GALNT13: variants seen among roughly 807,000 people sequenced by gnomAD.
GALNT13 encodes the protein polypeptide N-acetylgalactosaminyltransferase 13, also known as UDP-GalNAc:polypeptide N-acetylgalactosaminyltransferase 13.
In GALNT13, 28 loss-of-function variants were observed where a neutral mutation model predicts 64.2. The observed-to-expected ratio is 0.44, with a 90% CI of 0.32 to 0.60. The LOEUF is 0.60. GALNT13 is among the 20% of genes least tolerant of loss of function. The pLI, the probability that GALNT13 is intolerant of heterozygous loss-of-function variation, is 0.05. For missense variants in GALNT13, 577 were observed against 669.8 expected, an observed-to-expected ratio of 0.86 and a Z score of 1.53; for synonymous variants, 214 against 224.6, an observed-to-expected ratio of 0.95 and a Z score of 0.42.
At chr2:153,177,096 A>G in the GALNT13 span, among the ~76,000 whole-genome samples, 1 of 76,834 alleles carries the variant, frequency 1.3e-5, no homozygotes, top group African/African-American at 4.3e-5. Context: ...GGTAAGTACA[A>G]ATAGCATTGA....
At chr2:153,181,922 A>G in the GALNT13 span, among the ~76,000 whole-genome samples, 55 of 148,964 alleles carry the variant, frequency 3.7e-4, no homozygotes, top group African/African-American at 1.3e-3. Flanking sequence ...ATATAAAGCA[A>G]TCAAAACAAT....
the GALNT13 span, among the ~76,000 whole-genome samples, chr2:153,656,345 C>CGT: frequency 6.7e-5 from 7 of 103,930 alleles, no homozygotes; most frequent in South Asian, 8.2e-4. Flanking sequence ...TGTGTGCGCG[C>CGT]GCACATATGT....
intron 8 of GALNT13, among the ~76,000 whole-genome samples, chr2:154,265,507 T>G (rs987125178): frequency 3.3e-5 from 5 of 152,052 alleles, no homozygotes; most frequent in African/African-American, 1.2e-4. Context: ...GAGAACAGCC[T>G]AGCCAACATG....
the GALNT13 span, among the ~76,000 whole-genome samples, chr2:153,856,863 C>T: frequency 6.6e-6 from 1 of 151,932 alleles, no homozygotes; most frequent in Non-Finnish European, 1.5e-5. Context: ...AGAAACAATC[C>T]AAATGATTGT....
chr2:154,033,720 A>T (rs1215143942), intron 3 of GALNT13, among the ~76,000 whole-genome samples: 3 of 152,056 alleles, frequency 2.0e-5, no homozygotes, highest in Admixed American at 6.6e-5. Context: ...CGGTTGGATC[A>T]TGAGGTCAGG....
chr2:153,813,831 G>C, the GALNT13 span, among the ~76,000 whole-genome samples: 1 of 152,168 alleles, frequency 6.6e-6, no homozygotes, highest in Non-Finnish European at 1.5e-5. Context: ...TATAGGTTAG[G>C]AATTTGGGCA....
At chr2:153,303,693 A>G in the GALNT13 span, among the ~76,000 whole-genome samples, 2 of 152,310 alleles carry the variant, frequency 1.3e-5, no homozygotes, top group South Asian at 2.1e-4. Context: ...GGCTTGTCAT[A>G]TATGACCTTT....
chr2:153,497,522 A>ATTTTTTTTT, the GALNT13 span, among the ~76,000 whole-genome samples: 190 of 36,910 alleles, frequency 5.1e-3, 54 homozygotes, highest in African/African-American at 8.5e-3. Flanking sequence ...TTTCTCCCGC[A>ATTTTTTTTT]TTTTTTTTTT....
chr2:153,661,331 C>T, the GALNT13 span, among the ~76,000 whole-genome samples: 1 of 152,104 alleles, frequency 6.6e-6, no homozygotes, highest in Admixed American at 6.6e-5. Flanking sequence ...GGCTACTCAG[C>T]TGCTCAAAAT....
the GALNT13 span, among the ~76,000 whole-genome samples, chr2:153,265,870 T>C: frequency 6.6e-6 from 1 of 152,230 alleles, no homozygotes; most frequent in Non-Finnish European, 1.5e-5. Flanking sequence ...ACTTAGTTGA[T>C]AAAATGGCAG....
At chr2:154,073,881 T>G (rs1452262135) in intron 3 of GALNT13, among the ~76,000 whole-genome samples, 7 of 151,854 alleles carry the variant, frequency 4.6e-5, no homozygotes, top group Admixed American at 1.3e-4. Context: ...AACAACATAC[T>G]ATAGCAAATT....
At chr2:153,580,196 G>A in the GALNT13 span, among the ~76,000 whole-genome samples, 1 of 152,098 alleles carries the variant, frequency 6.6e-6, no homozygotes, top group African/African-American at 2.4e-5. Context: ...CATTTATGTG[G>A]ATCCTAGGTT....
chr2:153,680,694 T>C, the GALNT13 span, among the ~76,000 whole-genome samples: 3 of 151,866 alleles, frequency 2.0e-5, no homozygotes, highest in Admixed American at 2.0e-4. Context: ...CTCAATTGAC[T>C]GTGGGTGTTA....
the GALNT13 span, among the ~76,000 whole-genome samples, chr2:153,117,707 G>A: frequency 6.6e-6 from 1 of 152,132 alleles, no homozygotes; most frequent in Non-Finnish European, 1.5e-5. Context: ...ACTCAAATAG[G>A]CACTTTTGCT....
At chr2:153,226,850 A>G in the GALNT13 span, among the ~76,000 whole-genome samples, 1 of 152,244 alleles carries the variant, frequency 6.6e-6, no homozygotes, top group South Asian at 2.1e-4. Context: ...ATTGTAACAA[A>G]TGTACCATGC....
the GALNT13 span, among the ~76,000 whole-genome samples, chr2:153,648,377 G>A: frequency 6.6e-6 from 1 of 152,132 alleles, no homozygotes; most frequent in Non-Finnish European, 1.5e-5. Flanking sequence ...TGAGACGATG[G>A]CATTTTCTGA....
chr2:153,986,855 T>G (rs1694834677), intron 3 of GALNT13, among the ~76,000 whole-genome samples: 1 of 151,962 alleles, frequency 6.6e-6, no homozygotes, highest in Non-Finnish European at 1.5e-5. Context: ...AAAACTTGTA[T>G]TTCATCTGAA....
chr2:154,046,998 T>C (rs2105338537), intron 3 of GALNT13, among the ~76,000 whole-genome samples: 1 of 152,172 alleles, frequency 6.6e-6, no homozygotes, highest in African/African-American at 2.4e-5. Context: ...GGTGAGTAAG[T>C]TTTTATTTTC....
At chr2:154,437,514 G>A (rs74266727) in intron 11 of GALNT13, 2 of 1,275,342 alleles carry the variant, frequency 1.6e-6, no homozygotes, top group African/African-American at 3.1e-5. Context: ...ACTGAACAAT[G>A]CTTATCGTAG....
Sources: gnomAD v4.1 joint callset for allele counts (sites outside exome capture counted in the v4.1 genomes callset) on GRCh38, gnomAD v4.1.1 for gene constraint, MANE v1.5 for transcripts, NCBI Gene and HGNC (gene_info 2026-07-23, HGNC 2026-07-21) for gene names.